The following CTC1 variants were observed in gnomAD, a reference collection of about 807,000 sequenced individuals.
CTC1 encodes the protein CST complex subunit CTC1.
In CTC1, 91 loss-of-function variants were observed where a neutral mutation model predicts 136.3. That is an observed-to-expected ratio of 0.67 (90% CI 0.56 to 0.79). The LOEUF (loss-of-function observed/expected upper bound fraction) is 0.79, where lower values mean the gene tolerates loss of function less well. CTC1 is among the 30% of genes least tolerant of loss of function. CTC1 has a pLI of 0.00. For missense variants in CTC1, 1,432 were observed against 1,498.1 expected (o/e 0.96, Z 0.73); for synonymous variants, 606 against 613.8 (o/e 0.99, Z 0.19).
In CTC1 at chr17:8,228,222, T is replaced by C; in HGVS notation, c.3612A>G (p.Ser1204=). The C allele has an allele frequency of 6.2e-7, 1 of 1,614,112 alleles. No homozygotes were observed. Among genetic ancestry groups the C allele is most frequent in the Non-Finnish European group, 8.5e-7 (1 of 1,179,998 alleles). The change falls in exon 23 of 23, where the codon TCA becomes TCG. Residue 1204 remains serine, a synonymous_variant. Transcript: ENST00000651323. ...LRLSCLSIRE[S]EYSSSLGILA... ...GGATCCCCAGAGAGCTGGAGTACTC[T>C]GACTCTCGGATAGAAAGGCAGGACA... is the stretch of plus-strand genomic sequence containing the variant.
chr17:8,232,252 T>A lies in CTC1; in HGVS notation c.2061-25A>T, dbSNP rs1987305689. 1.9e-6 allele frequency: 3 copies of A among 1,541,268 alleles called. No individual in the cohort carries two copies. In the East Asian group the frequency reaches 6.8e-5, roughly 35 times the overall value. ...TCTGTTGGGAGAGACAAGGAATACATTTCTTAGTGATGCAGGCATTGGGTA... is the reference window on the plus strand; with the variant it reads ...TCTGTTGGGAGAGACAAGGAATACAATTCTTAGTGATGCAGGCATTGGGTA... On this transcript the variant is annotated intron_variant, in intron 12 of 22. Coordinates refer to ENST00000651323, the MANE Select transcript of CTC1 (RefSeq NM_025099.6).
chr17:8,234,396 C>T (rs1344776173), intron 10 of CTC1, 59 bp downstream of exon 10: 26 of 1,458,884 alleles, frequency 1.8e-5, no homozygotes, highest in Admixed American at 1.8e-4. Context: ...AGACTAGAGT[C>T]GTGGCAATAA....
At position 8,234,660 on chromosome 17, in the gene CTC1, C is replaced by CAAGGAGTA. The variant is rs777227144; in HGVS notation, c.1618-6_1618-5insTACTCCTT. ...GGGAGTCTGCAGCCGAGTGTACTGT[C>CAAGGAGTA]AAGGAGGGAAGAGAAATCGGGTGTG... On this transcript the variant is annotated splice_region_variant and splice_polypyrimidine_tract_variant and intron_variant, in intron 9 of 22. Transcript: ENST00000651323. 55 of 1,603,454 alleles carry CAAGGAGTA rather than the reference C, an allele frequency of 3.4e-5. No homozygotes were observed. Among genetic ancestry groups the CAAGGAGTA allele is most frequent in the Non-Finnish European group, 4.5e-5 (53 of 1,173,526 alleles).
At position 8,226,373 on chromosome 17, in the gene CTC1, C is replaced by A. The variant is rs3027251; in HGVS notation, c.*1807G>T. The A allele has an allele frequency of 0.073, 11,142 of 152,186 alleles. 593 individuals are homozygous for A. The highest frequency in any genetic ancestry group is 0.14 in the African/African-American group (5,813 of 41,498). 9.4% of individuals were successfully genotyped at this position (152,186 alleles called of 1,614,324 possible). A position where few individuals can be genotyped will look rare whatever the true frequency, so the allele number is the denominator to read the frequency against. On this transcript the variant is annotated 3_prime_UTR_variant, in exon 23 of 23. Transcript: ENST00000651323. ...TATAGAGCTAGGAACCCGGACCGAG[C>A]TTTTTCAGATCTTTCTAGAACTAAT...
chr17:8,237,528 G>A lies in CTC1; in HGVS notation c.648-9C>T, dbSNP rs779778738. The A allele has an allele frequency of 1.9e-5, 31 of 1,613,500 alleles. No homozygotes were observed. Among genetic ancestry groups the A allele is most frequent in the Admixed American group, 5.0e-5 (3 of 59,930 alleles). On this transcript the variant is annotated splice_polypyrimidine_tract_variant and intron_variant, in intron 4 of 22. Transcript: ENST00000651323. ...CACCTCTGAGCTTGTTTCTAAGAAG[G>A]AAGAAAAAGCCCTGTAATCCCAGCT...
intron 2 of CTC1, among the ~76,000 whole-genome samples, chr17:8,239,582 A>G (rs1027658598): frequency 8.0e-5 from 12 of 150,390 alleles, no homozygotes; most frequent in African/African-American, 2.7e-4. Flanking sequence ...GAGTGAAATC[A>G]AGACTGAAAT....
rs1986519083 is a variant in CTC1 at position 8,225,020 on chromosome 17, G to A, written c.*3160C>T. On this transcript the variant is annotated 3_prime_UTR_variant, in exon 23 of 23. Coordinates refer to ENST00000651323, the MANE Select transcript of CTC1 (RefSeq NM_025099.6). ...GCCTGGCTAATTTTTTGCATTTTTAGTAGAGACGAGGTTTCACTATGTTAC... is the reference window on the plus strand; with the variant it reads ...GCCTGGCTAATTTTTTGCATTTTTAATAGAGACGAGGTTTCACTATGTTAC... 1 of 152,182 alleles carries A rather than the reference G, an allele frequency of 6.6e-6. No homozygotes were observed. The highest frequency in any genetic ancestry group is 6.5e-5 in the Admixed American group (1 of 15,272). The allele number at this position is 152,182 out of a possible 1,614,324, so 9.4% of individuals were successfully genotyped here.
chr17:8,245,484 C>T (rs1185202699), intron 1 of CTC1, among the ~76,000 whole-genome samples: 1 of 152,050 alleles, frequency 6.6e-6, no homozygotes, highest in Non-Finnish European at 1.5e-5. Context: ...CGCTTTTTGT[C>T]TTCCTCTCCC....
chr17:8,241,934 A>C (rs935752337), intron 2 of CTC1, among the ~76,000 whole-genome samples: 3 of 152,034 alleles, frequency 2.0e-5, no homozygotes, highest in South Asian at 2.1e-4. Flanking sequence ...CTTATGCAAA[A>C]CTCTACATTA....
rs1207136461 is a variant in CTC1 at position 8,238,407 on chromosome 17, G to A, written c.420C>T (p.Gly140=). 5 of 1,613,812 alleles carry A rather than the reference G, an allele frequency of 3.1e-6. No homozygotes were observed. Among genetic ancestry groups the A allele is most frequent in the Non-Finnish European group, 3.4e-6 (4 of 1,179,722 alleles). The part of the protein sequence containing the change: ...NGSLYVRDNT[G]VLSCELIDLD... ...TTCCACTCACCTCACAGCTCAGGAC[G>A]CCAGTGTTATCTCTCACATAGAGGC... The change falls in exon 3 of 23, where the codon GGC becomes GGT. Residue 140 remains glycine, a synonymous_variant. Coordinates refer to ENST00000651323, the MANE Select transcript of CTC1 (RefSeq NM_025099.6).
In CTC1 at chr17:8,227,041, T is replaced by G. The variant is rs1986771981; in HGVS notation, c.*1139A>C. 1 of 151,382 alleles carries G rather than the reference T, an allele frequency of 6.6e-6. No homozygotes were observed. The highest frequency in any genetic ancestry group is 1.5e-5 in the Non-Finnish European group (1 of 68,026). 9.4% of individuals were successfully genotyped at this position (151,382 alleles called of 1,614,324 possible). A position where few individuals can be genotyped will look rare whatever the true frequency, so the allele number is the denominator to read the frequency against. The stretch of plus-strand genomic sequence containing the variant: ...GACCTTGGCGTTATTAGCACCACGC[T>G]CTAACCAACTGAGCTAACCGGCCAC... On this transcript the variant is annotated 3_prime_UTR_variant, in exon 23 of 23. Transcript: ENST00000651323.
In CTC1 at chr17:8,234,601, C is replaced by T; in HGVS notation, c.1672G>A (p.Glu558Lys). Residue 558 changes from glutamate to lysine, a missense_variant, in exon 10 of 23, where the codon GAA (glutamate) becomes AAA (lysine). By Grantham distance (56) the Glu-to-Lys change is moderately conservative. Coordinates refer to ENST00000651323, the MANE Select transcript of CTC1 (RefSeq NM_025099.6). ...SFPTLATLKE[E>K]GQRKAWASFD... is the part of the protein sequence containing the mutation. ...GAGGCCCAGGCCTTACGCTGTCCTT[C>T]TTCTTTCAGGGTGGCCAGAGTGGGG... is the stretch of plus-strand genomic sequence containing the variant. The T allele has an allele frequency of 6.2e-7, 1 of 1,612,088 alleles. No individual in the cohort carries two copies. Among genetic ancestry groups the T allele is most frequent in the South Asian group, 1.1e-5 (1 of 90,652 alleles).
chr17:8,235,509 G>A (rs1987637701), intron 7 of CTC1: 1 of 598,540 alleles, frequency 1.7e-6, no homozygotes, highest in East Asian at 2.8e-5. Flanking sequence ...GTGGCTCCTG[G>A]ATGAACAGAC....
rs146214808 is a variant in CTC1, at chr17:8,231,437, G to C, written c.2508C>G (p.Ser836=). The part of the protein sequence containing the change: ...TPMLFEKDGS[S]CISRRPLELA... ...ACTCCAGAGGACGCCGAGATATGCA[G>C]GATGAACCATCCTTTTCAAACAACA... The change falls in exon 15 of 23, where the codon TCC becomes TCG. Residue 836 remains serine (S), a synonymous_variant. Transcript: ENST00000651323. The C allele has an allele frequency of 9.6e-5, 154 of 1,612,216 alleles. No individual in the cohort carries two copies. The African/African-American group carries it at 1.8e-3, about 19-fold the overall frequency.
At position 8,238,582 on chromosome 17, in the gene CTC1, C is replaced by A; in HGVS notation, c.245G>T (p.Cys82Phe). The change falls in exon 3 of 23, where the codon TGC becomes TTC. Residue 82 changes from cysteine (C) to phenylalanine (F), a missense_variant. Coordinates refer to ENST00000651323, the MANE Select transcript of CTC1 (RefSeq NM_025099.6). ...DLKTHQRLPC[C>F]SHLSWSSSAY... ...ACTACTGCTCCACGACAGGTGGCTG[C>A]AGCATGGGAGACGCTGGTGAGTCTT... is the stretch of plus-strand genomic sequence containing the variant. The A allele has an allele frequency of 6.2e-7, 1 of 1,613,564 alleles. No individual in the cohort carries two copies. Among genetic ancestry groups the A allele is most frequent in the Non-Finnish European group, 8.5e-7 (1 of 1,179,688 alleles).
rs780809830 is a variant in CTC1, at chr17:8,231,370, T to A, written c.2575A>T (p.Thr859Ser). The change falls in exon 15 of 23, where the codon ACT becomes TCT. Residue 859 changes from threonine (T) to serine (S), a missense_variant. Physicochemically the swap from Thr to Ser is moderately conservative, Grantham distance 58. Transcript: ENST00000651323. Reference protein sequence around the residue: ...ASCLTVQDNWTLELESSQDIQ... With the variant: ...ASCLTVQDNWSLELESSQDIQ... ...TCCTGGGAGCTTTCAAGCTCCAGAG[T>A]CCAGTTGTCCTGGACAGTGAGGCAG... 6.2e-6 allele frequency: 10 copies of A among 1,612,998 alleles called. No homozygotes were observed. In the African/African-American group the frequency reaches 1.3e-4, roughly 22 times the overall value.
chr17:8,231,902 C>T lies in CTC1; in HGVS notation c.2385+1G>A. ...CCTGGGTCCCTGGAGTCCCAGTTTACCTTCTGATCATTGTCGTCATTTCCC... is the reference window on the plus strand; with the variant it reads ...CCTGGGTCCCTGGAGTCCCAGTTTATCTTCTGATCATTGTCGTCATTTCCC... On this transcript the variant is annotated splice_donor_variant, in intron 13 of 22. Transcript: ENST00000651323. LOFTEE classifies it high-confidence loss of function. 2 of 1,613,676 alleles carry T rather than the reference C, an allele frequency of 1.2e-6. No homozygotes were observed. Among genetic ancestry groups the T allele is most frequent in the Non-Finnish European group, 1.7e-6 (2 of 1,179,812 alleles).
rs1201426650 is a variant in CTC1 at position 8,232,162 on chromosome 17, G to C, written c.2126C>G (p.Ser709Ter). 2 of 1,524,490 alleles carry C rather than the reference G, an allele frequency of 1.3e-6. No homozygotes were observed. The allele number at this position is 1,524,490 out of a possible 1,614,324, so 94.4% of individuals were successfully genotyped here. A position where few individuals can be genotyped will look rare whatever the true frequency, so the allele number is the denominator to read the frequency against. ...ILPVPRPCLH[S>*]ATPSTPQTDP... ...TGTCTGAGGTGTTGAGGGTGTTGCT[G>C]AATGAAGGCAGGGTCTGGGCACAGG... is the stretch of plus-strand genomic sequence containing the variant. The change falls in exon 13 of 23, where the codon TCA becomes TGA. Residue 709 changes from serine (S) to a stop codon, truncating the protein, a stop_gained. Transcript: ENST00000651323. LOFTEE classifies it high-confidence loss of function.
Position 8,225,423 on chromosome 17 carries a change from G to A in CTC1, c.*2757C>T, listed in dbSNP as rs1410905139. ...TACATTGGTTCGTGGGCCATGGAAT[G>A]GTGTCGAGAGCTTTCTGCCTATCTT... is the stretch of plus-strand genomic sequence containing the variant. On this transcript the variant is annotated 3_prime_UTR_variant, in exon 23 of 23. Coordinates refer to ENST00000651323, the MANE Select transcript of CTC1 (RefSeq NM_025099.6). The A allele has an allele frequency of 6.6e-6, 1 of 152,224 alleles. No homozygotes were observed. The highest frequency in any genetic ancestry group is 1.5e-5 in the Non-Finnish European group (1 of 68,070). The allele number at this position is 152,224 out of a possible 1,614,324, so 9.4% of individuals were successfully genotyped here. A position where few individuals can be genotyped will look rare whatever the true frequency, so the allele number is the denominator to read the frequency against.
Sources: allele counts gnomAD v4.1 joint callset (sites outside exome capture counted in the v4.1 genomes callset), GRCh38; gene constraint gnomAD v4.1.1; transcripts MANE v1.5; gene names NCBI Gene and HGNC (gene_info 2026-07-23, HGNC 2026-07-21).